HS3ST3A1: variants seen among roughly 807,000 people sequenced by gnomAD.
The protein encoded by HS3ST3A1 is heparan sulfate-glucosamine 3-sulfotransferase 3A1, also known as heparan sulfate glucosamine 3-O-sulfotransferase 3A1.
HS3ST3A1 carries 19 observed loss-of-function variants against 25.7 expected under a neutral mutation model. The observed-to-expected ratio is 0.74, with a 90% CI of 0.52 to 1.08. The LOEUF (loss-of-function observed/expected upper bound fraction) is 1.08. Among genes scored for constraint, HS3ST3A1 ranks in the 50% least tolerant of loss-of-function variants. HS3ST3A1 has a pLI of 0.00. For missense variants in HS3ST3A1, 459 were observed against 594.3 expected, an observed-to-expected ratio of 0.77 and a Z score of 2.37; for synonymous variants, 226 against 278.6, an observed-to-expected ratio of 0.81 and a Z score of 1.88.
At chr17:13,560,319 A>AAAAAT (rs1907502490) in intron 1 of HS3ST3A1, among the ~76,000 whole-genome samples, 2 of 143,920 alleles carry the variant, frequency 1.4e-5, no homozygotes, top group African/African-American at 2.6e-5. Flanking sequence ...AAAAAAAAAA[A>AAAAAT]GTGTATTACC....
chr17:13,512,216 G>A (rs1291160400), intron 1 of HS3ST3A1, among the ~76,000 whole-genome samples: 2 of 150,454 alleles, frequency 1.3e-5, no homozygotes, highest in Non-Finnish European at 2.9e-5. Flanking sequence ...GGAGAATGGC[G>A]TGAACCCGGG....
intron 1 of HS3ST3A1, among the ~76,000 whole-genome samples, chr17:13,538,089 T>C (rs1172421632): frequency 6.6e-6 from 1 of 152,246 alleles, no homozygotes; most frequent in Non-Finnish European, 1.5e-5. Flanking sequence ...GGGCTACATT[T>C]GTGTATTTTA....
At chr17:13,569,482 G>A (rs933296161) in intron 1 of HS3ST3A1, among the ~76,000 whole-genome samples, 2 of 152,180 alleles carry the variant, frequency 1.3e-5, no homozygotes, top group Admixed American at 6.5e-5. Flanking sequence ...ATGCATTGCT[G>A]CGAGACATGG....
rs3220827 is a variant in HS3ST3A1, at chr17:13,530,005, T to TACACACACAC, written c.600-33197_600-33188dup. ...ACAGCAATCAATCAATTTATGTAAC[T>TACACACACAC]ACACACACACACACACACACACACA... On this transcript the variant is annotated intron_variant, in intron 1 of 1. Transcript: ENST00000284110. Among the ~76,000 whole-genome samples, 1,102 of 149,162 alleles carry TACACACACAC rather than the reference T, an allele frequency of 7.4e-3. 11 individuals are homozygous for TACACACACAC. Among genetic ancestry groups the TACACACACAC allele is most frequent in the African/African-American group, 0.023 (940 of 40,370 alleles).
In HS3ST3A1 at chr17:13,542,678, C is replaced by T. The variant is rs529081505; in HGVS notation, c.600-45860G>A. Among the ~76,000 whole-genome samples the T allele has an allele frequency of 5.3e-5, 8 of 152,144 alleles. No individual in the cohort carries two copies. The South Asian group carries it at 1.7e-3, about 32-fold the overall frequency. On this transcript the variant is annotated intron_variant, in intron 1 of 1. Coordinates refer to ENST00000284110, the MANE Select transcript of HS3ST3A1 (RefSeq NM_006042.3). Reference sequence around the variant, plus strand: ...TATTTGGTCTTCCTGTTTCCTGGCTCATCATTCCCAAAACCCTTGGAATCT... The same window carrying T: ...TATTTGGTCTTCCTGTTTCCTGGCTTATCATTCCCAAAACCCTTGGAATCT...
chr17:13,525,447 C>T (rs556646736), intron 1 of HS3ST3A1, among the ~76,000 whole-genome samples: 6 of 151,718 alleles, frequency 4.0e-5, no homozygotes, highest in African/African-American at 1.5e-4. Flanking sequence ...TAGATAATTG[C>T]AGGGTTTTTG....
At chr17:13,533,868 A>G (rs1278609151) in intron 1 of HS3ST3A1, among the ~76,000 whole-genome samples, 2 of 152,224 alleles carry the variant, frequency 1.3e-5, no homozygotes, top group Non-Finnish European at 2.9e-5. Flanking sequence ...GAAGGACTGT[A>G]AATCCCTGAA....
intron 1 of HS3ST3A1, among the ~76,000 whole-genome samples, chr17:13,577,549 C>A (rs1251863494): frequency 1.3e-5 from 2 of 152,174 alleles, no homozygotes; most frequent in Admixed American, 1.3e-4. Context: ...GTCATACCCA[C>A]AAGCTTTCCT....
intron 1 of HS3ST3A1, among the ~76,000 whole-genome samples, chr17:13,548,294 T>G (rs1449112495): frequency 3.9e-5 from 6 of 152,162 alleles, no homozygotes; most frequent in Non-Finnish European, 7.3e-5. Flanking sequence ...CCATATTCTG[T>G]GTCATTCTCA....
chr17:13,560,771 C>T (rs1907523169), intron 1 of HS3ST3A1, among the ~76,000 whole-genome samples: 1 of 152,210 alleles, frequency 6.6e-6, no homozygotes, highest in African/African-American at 2.4e-5. Flanking sequence ...TGGTTTGGAA[C>T]TGAAGTACTT....
intron 1 of HS3ST3A1, among the ~76,000 whole-genome samples, chr17:13,583,135 T>C (rs1479121336): frequency 1.3e-5 from 2 of 152,324 alleles, no homozygotes; most frequent in South Asian, 4.1e-4. Flanking sequence ...TCGGCATCTG[T>C]GAATTTTAGG....
At chr17:13,535,708 A>T (rs1720497741) in intron 1 of HS3ST3A1, among the ~76,000 whole-genome samples, 1 of 152,220 alleles carries the variant, frequency 6.6e-6, no homozygotes, top group Non-Finnish European at 1.5e-5. Context: ...ATATATTGGG[A>T]TGTCTGTTCT....
intron 1 of HS3ST3A1, among the ~76,000 whole-genome samples, chr17:13,575,964 C>T (rs770898909): frequency 5.3e-5 from 8 of 152,204 alleles, no homozygotes; most frequent in Non-Finnish European, 8.8e-5. Flanking sequence ...AGCATCAGCA[C>T]TACTTGGAAG....
At chr17:13,533,168 G>A (rs558571902) in intron 1 of HS3ST3A1, among the ~76,000 whole-genome samples, 2 of 152,164 alleles carry the variant, frequency 1.3e-5, no homozygotes, top group African/African-American at 4.8e-5. Context: ...CATGTATAAG[G>A]TTAATATATA....
chr17:13,506,290 C>T (rs553180515), intron 1 of HS3ST3A1, among the ~76,000 whole-genome samples: 4 of 152,210 alleles, frequency 2.6e-5, no homozygotes, highest in Admixed American at 6.5e-5. Context: ...GGGCAAATCA[C>T]TTTCGTTCTC....
In HS3ST3A1 at chr17:13,601,103, G is replaced by T; in HGVS notation, c.27C>A (p.Ala9=). Residue 9 remains alanine (A), a synonymous_variant, in exon 1 of 2, where the codon GCC becomes GCA. Transcript: ENST00000284110. ...ACAGCGGCTCGGCCGAGGTGGAGAGGGCACTGGCCGGGCCCGGAGGGGCCA... is the reference window on the plus strand; with the variant it reads ...ACAGCGGCTCGGCCGAGGTGGAGAGTGCACTGGCCGGGCCCGGAGGGGCCA... MAPPGPAS[A]LSTSAEPLSR... 6.3e-7 allele frequency: 1 copy of T among 1,582,826 alleles called. No individual in the cohort carries two copies. Among genetic ancestry groups the T allele is most frequent in the African/African-American group, 1.4e-5 (1 of 73,422 alleles).
chr17:13,583,835 A>G (rs111910064), intron 1 of HS3ST3A1, among the ~76,000 whole-genome samples: 33 of 152,338 alleles, frequency 2.2e-4, no homozygotes, highest in African/African-American at 6.5e-4. Context: ...ATTGAACACT[A>G]CAACGGTATT....
At position 13,512,188 on chromosome 17, in the gene HS3ST3A1, A is replaced by C. The variant is rs530413395; in HGVS notation, c.600-15370T>G. ...GTGGCGGGCGCCTGTAGTCCCAGCT[A>C]CTGGGGAGGCTGAGGCAGGAGAATG... On this transcript the variant is annotated intron_variant, in intron 1 of 1. Coordinates refer to ENST00000284110, the MANE Select transcript of HS3ST3A1 (RefSeq NM_006042.3). Among the ~76,000 whole-genome samples, 15 of 151,656 alleles carry C rather than the reference A, an allele frequency of 9.9e-5. No individual in the cohort carries two copies. The East Asian group carries it at 2.9e-3, about 30-fold the overall frequency.
At chr17:13,538,091 T>C (rs1478138919) in intron 1 of HS3ST3A1, among the ~76,000 whole-genome samples, 1 of 152,242 alleles carries the variant, frequency 6.6e-6, no homozygotes, top group Non-Finnish European at 1.5e-5. Context: ...GCTACATTTG[T>C]GTATTTTAAA....
Sources: gnomAD v4.1 joint callset for allele counts (sites outside exome capture counted in the v4.1 genomes callset) on GRCh38, gnomAD v4.1.1 for gene constraint, MANE v1.5 for transcripts, NCBI Gene and HGNC (gene_info 2026-07-23, HGNC 2026-07-21) for gene names.